DIS3L2: variants seen among roughly 807,000 people sequenced by gnomAD.
DIS3L2 encodes DIS3-like exonuclease 2.
In DIS3L2, 34 loss-of-function variants were observed where a neutral mutation model predicts 97.5. The ratio of observed to expected loss-of-function variants is 0.35; its 90% CI spans 0.27 to 0.46. The LOEUF is 0.46. Among genes scored for constraint, DIS3L2 ranks in the 20% least tolerant of loss-of-function variants. DIS3L2 has a pLI of 1.00. For synonymous variants in DIS3L2, 435 were observed against 445.2 expected, an observed-to-expected ratio of 0.98 and a Z score of 0.29; for missense variants, 1,038 against 1,146.0, an observed-to-expected ratio of 0.91 and a Z score of 1.36.
At chr2:232,116,638 T>C (rs193244180) in intron 6 of DIS3L2, among the ~76,000 whole-genome samples, 2 of 152,262 alleles carry the variant, frequency 1.3e-5, no homozygotes, top group East Asian at 3.9e-4. Context: ...TTTAAAAAGC[T>C]ATTGAAGAGT....
intron 16 of DIS3L2, 56 bp from the exon 17 acceptor site, chr2:232,333,781 TTCC>T: frequency 1.3e-6 from 2 of 1,495,738 alleles, no homozygotes; most frequent in African/African-American, 1.4e-5. Flanking sequence ...GGTGCCAGCC[TTCC>T]AGGCCTGGCT....
chr2:232,017,007 C>T (rs1011029785), intron 3 of DIS3L2, among the ~76,000 whole-genome samples: 3 of 150,260 alleles, frequency 2.0e-5, no homozygotes, highest in African/African-American at 7.4e-5. Flanking sequence ...CACACGTGCA[C>T]AAGAAAGAAG....
intron 1 of DIS3L2, among the ~76,000 whole-genome samples, chr2:231,986,118 G>C (rs1380903201): frequency 6.6e-6 from 1 of 152,194 alleles, no homozygotes; most frequent in Non-Finnish European, 1.5e-5. Context: ...TGGTTTGCCC[G>C]GGGCTCTTGG....
intron 6 of DIS3L2, among the ~76,000 whole-genome samples, chr2:232,124,864 A>G (rs1478029842): frequency 6.6e-6 from 1 of 152,236 alleles, no homozygotes; most frequent in African/African-American, 2.4e-5. Flanking sequence ...ACTGACCAGG[A>G]TAACCTTTTC....
chr2:232,045,544 G>A (rs1695215662), intron 5 of DIS3L2, among the ~76,000 whole-genome samples: 1 of 152,130 alleles, frequency 6.6e-6, no homozygotes, highest in Non-Finnish European at 1.5e-5. Flanking sequence ...GGAATGCTGT[G>A]TCCTCACATG....
intron 1 of DIS3L2, among the ~76,000 whole-genome samples, chr2:232,007,460 T>C (rs924084332): frequency 6.6e-6 from 1 of 152,152 alleles, no homozygotes; most frequent in South Asian, 2.1e-4. Flanking sequence ...CTCAGCCTCC[T>C]GAGTAGCTAG....
chr2:232,316,000 G>A (rs1695263677), intron 14 of DIS3L2, among the ~76,000 whole-genome samples: 1 of 152,194 alleles, frequency 6.6e-6, no homozygotes, highest in Admixed American at 6.5e-5. Context: ...TGCCAAACTG[G>A]AGAGTAGACT....
intron 13 of DIS3L2, among the ~76,000 whole-genome samples, chr2:232,287,397 C>CG (rs1451340806): frequency 3.0e-5 from 2 of 67,132 alleles, no homozygotes; most frequent in Non-Finnish European, 5.9e-5. Context: ...CGCCCCCCCC[C>CG]CCCCCCGCTT....
At chr2:232,156,682 C>A (rs1244094289) in intron 8 of DIS3L2, among the ~76,000 whole-genome samples, 4 of 152,090 alleles carry the variant, frequency 2.6e-5, no homozygotes, top group Admixed American at 2.0e-4. Flanking sequence ...CGTATTGTAT[C>A]CTGGAGGATA....
intron 14 of DIS3L2, among the ~76,000 whole-genome samples, chr2:232,311,964 G>A (rs893985542): frequency 1.3e-5 from 2 of 152,176 alleles, no homozygotes; most frequent in Non-Finnish European, 2.9e-5. Flanking sequence ...AATTTCACAA[G>A]CAGTGTGTGA....
At chr2:232,270,860 G>GTCTCTCTCTCCCTC (rs1693972226) in intron 13 of DIS3L2, among the ~76,000 whole-genome samples, 2 of 103,874 alleles carry the variant, frequency 1.9e-5, no homozygotes, top group East Asian at 7.6e-4. Flanking sequence ...TCTTTTTCTC[G>GTCTCTCTCTCCCTC]TCTCTCTCTC....
rs73102538 is a variant in DIS3L2, at chr2:232,196,693, C to T, written c.1125-13633C>T. Among the ~76,000 whole-genome samples, 1,130 of 151,258 alleles carry T rather than the reference C, an allele frequency of 7.5e-3. 24 individuals are homozygous for T. The highest frequency in any genetic ancestry group is 0.026 in the African/African-American group (1,084 of 41,088). On this transcript the variant is annotated intron_variant, in intron 9 of 20. Coordinates refer to ENST00000325385, the MANE Select transcript of DIS3L2 (RefSeq NM_152383.5). ...ATCTTGCTCCTAAACATCTATAGGA[C>T]AGACATAGCATTTTCTGAAAAGAAA...
chr2:232,226,769 C>T (rs186779223), intron 10 of DIS3L2, among the ~76,000 whole-genome samples: 235 of 152,170 alleles, frequency 1.5e-3, no homozygotes, highest in African/African-American at 5.1e-3. Flanking sequence ...CCTAGGAGTT[C>T]GACCCCAGCC....
At chr2:232,197,981 A>AG (rs1553615199) in intron 9 of DIS3L2, among the ~76,000 whole-genome samples, 1 of 151,442 alleles carries the variant, frequency 6.6e-6, no homozygotes, top group East Asian at 1.9e-4. Context: ...AAAAAAAAAA[A>AG]GAAAAGTCTG....
At chr2:231,997,923 A>G (rs972105321) in intron 1 of DIS3L2, among the ~76,000 whole-genome samples, 4 of 152,186 alleles carry the variant, frequency 2.6e-5, no homozygotes, top group Non-Finnish European at 4.4e-5. Context: ...AAATTCCCCA[A>G]TCATGCCCTT....
At chr2:232,244,184 C>T (rs1042052943) in intron 11 of DIS3L2, among the ~76,000 whole-genome samples, 1 of 152,136 alleles carries the variant, frequency 6.6e-6, no homozygotes, top group Admixed American at 6.5e-5. Flanking sequence ...GGAAAAGACT[C>T]ATTTGAGAGC....
At chr2:232,329,785 T>TGCCCCGGGGGGGGCCCCCCC in intron 14 of DIS3L2, 28 bp from the exon 15 acceptor site, 1 of 967,144 alleles carries the variant, frequency 1.0e-6, no homozygotes, top group Non-Finnish European at 1.5e-6. Context: ...ACCCCAGCGG[T>TGCCCCGGGGGGGGCCCCCCC]CCCTCCCATC....
chr2:232,202,350 A>G (rs184059626), intron 9 of DIS3L2, among the ~76,000 whole-genome samples: 8 of 152,302 alleles, frequency 5.3e-5, no homozygotes, highest in African/African-American at 1.4e-4. Context: ...GTGAGCAGAG[A>G]TTGCGCCACT....
intron 5 of DIS3L2, among the ~76,000 whole-genome samples, chr2:232,031,542 G>T (rs1333851334): frequency 1.3e-5 from 2 of 148,668 alleles, no homozygotes; most frequent in East Asian, 3.9e-4. Context: ...GGATACATGT[G>T]CCGAATGAGC....
Sources: gnomAD v4.1 joint callset for allele counts (sites outside exome capture counted in the v4.1 genomes callset) on GRCh38, gnomAD v4.1.1 for gene constraint, MANE v1.5 for transcripts, NCBI Gene and HGNC (gene_info 2026-07-23, HGNC 2026-07-21) for gene names.